The following C2CD5 variants were observed in gnomAD, a reference collection of about 807,000 sequenced individuals.
C2CD5 encodes C2 calcium dependent domain containing 5.
A neutral mutation model predicts 130.3 loss-of-function variants in C2CD5; 109 were observed. That is an observed-to-expected ratio of 0.84 (90% CI 0.72 to 0.98). The LOEUF (loss-of-function observed/expected upper bound fraction) is 0.98, where lower values mean the gene tolerates loss of function less well. Among genes scored for constraint, C2CD5 ranks in the 50% least tolerant of loss-of-function variants. The probability of loss-of-function intolerance (pLI) is 0.00; values close to 1 mark genes in which losing one functional copy is unlikely to be tolerated. For synonymous variants in C2CD5, 454 were observed against 429.2 expected, an observed-to-expected ratio of 1.06 and a Z score of -0.71; for missense variants, 996 against 1,261.8, an observed-to-expected ratio of 0.79 and a Z score of 3.19.
intron 10 of C2CD5, among the ~76,000 whole-genome samples, chr12:22,504,478 T>G (rs1033895791): frequency 2.6e-5 from 4 of 152,074 alleles, no homozygotes; most frequent in Non-Finnish European, 4.4e-5. Flanking sequence ...ATTTTTGTAT[T>G]TTTAGTAGAG....
chr12:22,512,734 AAACTGT>A, intron 9 of C2CD5: 1 of 1,264,008 alleles, frequency 7.9e-7, no homozygotes, highest in Admixed American at 2.7e-5. Flanking sequence ...AATCATCCAA[AAACTGT>A]AACTGCTTAT....
intron 8 of C2CD5, among the ~76,000 whole-genome samples, chr12:22,515,580 T>G (rs1447050270): frequency 1.3e-5 from 2 of 152,138 alleles, no homozygotes; most frequent in East Asian, 3.8e-4. Context: ...GTGCAGTACT[T>G]CAAATGTTAC....
At chr12:22,527,327 TA>T (rs1464792013) in intron 4 of C2CD5, among the ~76,000 whole-genome samples, 7 of 130,916 alleles carry the variant, frequency 5.3e-5, no homozygotes, top group African/African-American at 2.1e-4. Context: ...CATATATATA[TA>T]TATTTTTTTT....
chr12:22,492,724 C>G (rs1303185244), intron 11 of C2CD5, among the ~76,000 whole-genome samples: 2 of 152,096 alleles, frequency 1.3e-5, no homozygotes, highest in Non-Finnish European at 2.9e-5. Flanking sequence ...TGTATGAAAG[C>G]CCCTTCCTAA....
At chr12:22,487,503 T>A (rs916576106) in intron 12 of C2CD5, among the ~76,000 whole-genome samples, 3 of 152,182 alleles carry the variant, frequency 2.0e-5, no homozygotes, top group Non-Finnish European at 4.4e-5. Context: ...CACGATGAGA[T>A]ACCATACCAC....
intron 11 of C2CD5, 23 bp downstream of exon 11, chr12:22,493,200 A>G: frequency 2.2e-6 from 3 of 1,338,852 alleles, no homozygotes; most frequent in Non-Finnish European, 3.2e-6. Context: ...TGTCTGGAAA[A>G]TCAAGTTGTT....
At chr12:22,507,010 T>C (rs1277002504) in intron 9 of C2CD5, 191 bp from the exon 10 acceptor site, 22 of 464,818 alleles carry the variant, frequency 4.7e-5, no homozygotes, top group Non-Finnish European at 6.6e-5. Flanking sequence ...TCCCCATATA[T>C]ACAATGTTAT....
intron 21 of C2CD5, among the ~76,000 whole-genome samples, chr12:22,470,023 A>T (rs755217853): frequency 1.3e-5 from 2 of 152,018 alleles, no homozygotes; most frequent in Non-Finnish European, 2.9e-5. Flanking sequence ...TAAGAGATTA[A>T]TATCTGTAAC....
chr12:22,471,959 G>A lies in C2CD5; in HGVS notation c.2268+8C>T. ...GCATGAAATAAAATTTAGTCAGAAG[G>A]TTCCTACCTTGAGCAAATTTTCACA... is the stretch of plus-strand genomic sequence containing the variant. On this transcript the variant is annotated splice_region_variant and intron_variant, in intron 19 of 26. Transcript: ENST00000446597. The A allele has an allele frequency of 2.0e-6, 3 of 1,497,712 alleles. No homozygotes were observed. The highest frequency in any genetic ancestry group is 2.8e-6 in the Non-Finnish European group (3 of 1,074,790). The allele number at this position is 1,497,712 out of a possible 1,614,324, so 92.8% of individuals were successfully genotyped here.
intron 7 of C2CD5, among the ~76,000 whole-genome samples, chr12:22,519,456 GATTA>G (rs1001918117): frequency 1.3e-4 from 19 of 151,828 alleles, no homozygotes; most frequent in Non-Finnish European, 2.6e-4. Context: ...AATTAATTGT[GATTA>G]ATTTATTAAT....
intron 26 of C2CD5, among the ~76,000 whole-genome samples, chr12:22,452,330 G>A (rs1011173158): frequency 1.3e-5 from 2 of 151,976 alleles, no homozygotes; most frequent in East Asian, 1.9e-4. Context: ...ACTTTCAAAC[G>A]ATCCGTGTAG....
intron 24 of C2CD5, 62 bp downstream of exon 24, chr12:22,458,422 C>G: frequency 1.3e-5 from 10 of 750,018 alleles, no homozygotes; most frequent in Non-Finnish European, 1.7e-5. Context: ...CTAGCTTTCA[C>G]CACTGGGAAA....
Position 22,544,316 on chromosome 12 carries a change from TCA to T in C2CD5, c.-30+2_-30+3del. 1 of 541,344 alleles carries T rather than the reference TCA, an allele frequency of 1.8e-6. No homozygotes were observed. The highest frequency in any genetic ancestry group is 3.2e-6 in the Non-Finnish European group (1 of 314,948). 33.5% of individuals were successfully genotyped at this position (541,344 alleles called of 1,614,324 possible). On this transcript the variant is annotated splice_donor_variant and splice_donor_region_variant and intron_variant, in intron 1 of 26. Transcript: ENST00000446597. LOFTEE classifies it low-confidence loss of function (5UTR_SPLICE). ...CGGCAGTCGCGCCACGGGTCGCCAC[TCA>T]CTGTCGCAGGAGGAAGGGTGCTGTC...
intron 6 of C2CD5, 91 bp from the exon 7 acceptor site, chr12:22,523,715 G>C: frequency 1.2e-6 from 1 of 821,134 alleles, no homozygotes; most frequent in Non-Finnish European, 1.9e-6. Flanking sequence ...AAAAAAAAAA[G>C]ACCAAGAAAA....
At chr12:22,544,038 G>GAAGCGCC (rs1311067681) in intron 2 of C2CD5, 23 bp downstream of exon 2, 2 of 1,570,070 alleles carry the variant, frequency 1.3e-6, no homozygotes. Flanking sequence ...CCTGTGTTTT[G>GAAGCGCC]AGGGGCAGGA....
At chr12:22,459,222 C>G (rs1272020996) in intron 23 of C2CD5, among the ~76,000 whole-genome samples, 1 of 151,954 alleles carries the variant, frequency 6.6e-6, no homozygotes, top group Non-Finnish European at 1.5e-5. Flanking sequence ...AAAACAATAA[C>G]TTTTACTACT....
At chr12:22,508,913 A>G (rs924293486) in intron 9 of C2CD5, among the ~76,000 whole-genome samples, 1 of 146,228 alleles carries the variant, frequency 6.8e-6, no homozygotes, top group Non-Finnish European at 1.5e-5. Flanking sequence ...TCTGTCGCCC[A>G]GGCCAGACTG....
Position 22,484,693 on chromosome 12 carries a change from A to T in C2CD5, c.1550+4T>A. ...GACACCGAGTGTTGTTTTCACAAACATACCTTGCTTGAATAAGACAACCTT... is the reference window on the plus strand; with the variant it reads ...GACACCGAGTGTTGTTTTCACAAACTTACCTTGCTTGAATAAGACAACCTT... On this transcript the variant is annotated splice_donor_region_variant and intron_variant, in intron 13 of 26. Transcript: ENST00000446597. The T allele has an allele frequency of 1.3e-6, 2 of 1,537,328 alleles. No individual in the cohort carries two copies. Among genetic ancestry groups the T allele is most frequent in the Non-Finnish European group, 1.8e-6 (2 of 1,137,332 alleles).
intron 9 of C2CD5, among the ~76,000 whole-genome samples, chr12:22,508,702 A>T (rs1447927854): frequency 6.6e-6 from 1 of 152,184 alleles, no homozygotes; most frequent in Non-Finnish European, 1.5e-5. Flanking sequence ...TGAGTTTTAA[A>T]TGAGAAACGT....
Sources: allele counts gnomAD v4.1 joint callset (sites outside exome capture counted in the v4.1 genomes callset), GRCh38; gene constraint gnomAD v4.1.1; transcripts MANE v1.5; gene names NCBI Gene and HGNC (gene_info 2026-07-23, HGNC 2026-07-21).